Variants in GABRB1 observed in about 807,000 individuals in gnomAD.
GABRB1 encodes the protein gamma-aminobutyric acid type A receptor subunit beta1.
In GABRB1, 17 loss-of-function variants were observed where a neutral mutation model predicts 51.6. The observed-to-expected ratio is 0.33, with a 90% CI of 0.23 to 0.49. The LOEUF is 0.49. GABRB1 is among the 20% of genes least tolerant of loss of function. The pLI, the probability that GABRB1 is intolerant of heterozygous loss-of-function variation, is 0.99. For missense variants in GABRB1, 410 were observed against 600.6 expected (o/e 0.68, Z 3.32); for synonymous variants, 247 against 218.9 (o/e 1.13, Z -1.14).
chr4:47,036,803 C>T (rs944086338), intron 3 of GABRB1, among the ~76,000 whole-genome samples: 11 of 150,730 alleles, frequency 7.3e-5, no homozygotes, highest in Non-Finnish European at 1.3e-4. Flanking sequence ...CTGGAGGTTG[C>T]GGTGAGCCAA....
In GABRB1 at chr4:47,294,705, A is replaced by G. The variant is rs191264278; in HGVS notation, c.462-25422A>G. 6.4e-3 allele frequency among the ~76,000 whole-genome samples: 981 copies of G among 152,356 alleles called. 5 individuals carry two copies. The highest frequency in any genetic ancestry group is 1.0e-2 in the Non-Finnish European group (679 of 68,028). On this transcript the variant is annotated intron_variant, in intron 4 of 8. Coordinates refer to ENST00000295454, the MANE Select transcript of GABRB1 (RefSeq NM_000812.4). ...AACAGACAAACAAAAAGACAGCAGT[A>G]ACCTCTGCAGACTTAAATGTCCCTG...
At chr4:47,247,177 T>A (rs1410479923) in intron 4 of GABRB1, among the ~76,000 whole-genome samples, 1 of 152,304 alleles carries the variant, frequency 6.6e-6, no homozygotes, top group South Asian at 2.1e-4. Context: ...AAGTCCTTAA[T>A]CCATCTTGAG....
intron 4 of GABRB1, among the ~76,000 whole-genome samples, chr4:47,173,285 G>A (rs571441285): frequency 6.6e-6 from 1 of 152,230 alleles, no homozygotes; most frequent in Non-Finnish European, 1.5e-5. Context: ...TAACTAAGTG[G>A]AATCTGAGGA....
At chr4:47,100,265 TA>T (rs1344865297) in intron 3 of GABRB1, among the ~76,000 whole-genome samples, 1 of 152,004 alleles carries the variant, frequency 6.6e-6, no homozygotes, top group Non-Finnish European at 1.5e-5. Context: ...GTATACTGGT[TA>T]TTTGTAAAAT....
intron 1 of GABRB1, among the ~76,000 whole-genome samples, chr4:47,010,490 A>C (rs562780694): frequency 8.5e-5 from 13 of 152,228 alleles, no homozygotes; most frequent in Non-Finnish European, 1.8e-4. Context: ...GAATGATTGC[A>C]TAACAATGAT....
chr4:47,063,725 T>A (rs1015252446), intron 3 of GABRB1, among the ~76,000 whole-genome samples: 2 of 152,162 alleles, frequency 1.3e-5, no homozygotes, highest in African/African-American at 4.8e-5. Context: ...AGGAACGAGA[T>A]CATGTTCTTT....
chr4:47,422,435 A>G (rs1483361437), intron 8 of GABRB1, among the ~76,000 whole-genome samples: 1 of 151,994 alleles, frequency 6.6e-6, no homozygotes, highest in Non-Finnish European at 1.5e-5. Flanking sequence ...TCAGTCTTTA[A>G]CCCCTTGCAA....
upstream of GABRB1, among the ~76,000 whole-genome samples, chr4:47,028,628 G>T (rs1725174111): frequency 6.6e-6 from 1 of 151,330 alleles, no homozygotes; most frequent in African/African-American, 2.4e-5. Context: ...TCATGTTGTG[G>T]CTAATTGGAA....
At chr4:47,223,835 T>A (rs1720852947) in intron 4 of GABRB1, among the ~76,000 whole-genome samples, 1 of 152,102 alleles carries the variant, frequency 6.6e-6, no homozygotes, top group African/African-American at 2.4e-5. Context: ...AAGAAAAAAT[T>A]GAGAAATCTG....
chr4:47,157,800 T>A lies in GABRB1; in HGVS notation c.241-3449T>A, dbSNP rs186437785. ...TTTTATTAAGGTTATCAATATCATATGTCTGTATTTTTATTTATCATAGAA... is the reference window on the plus strand; with the variant it reads ...TTTTATTAAGGTTATCAATATCATAAGTCTGTATTTTTATTTATCATAGAA... On this transcript the variant is annotated intron_variant, in intron 3 of 8. Transcript: ENST00000295454. Among the ~76,000 whole-genome samples the A allele has an allele frequency of 2.0e-5, 3 of 152,246 alleles. No individual in the cohort carries two copies. The East Asian group carries it at 5.8e-4, about 29-fold the overall frequency.
chr4:47,153,603 C>A (rs998831142), intron 3 of GABRB1, among the ~76,000 whole-genome samples: 1 of 151,994 alleles, frequency 6.6e-6, no homozygotes, highest in African/African-American at 2.4e-5. Flanking sequence ...TCATGCCATG[C>A]GGTTCATTTT....
chr4:47,412,466 T>G (rs1455304482), intron 8 of GABRB1, among the ~76,000 whole-genome samples: 1 of 152,204 alleles, frequency 6.6e-6, no homozygotes, highest in Non-Finnish European at 1.5e-5. Flanking sequence ...GTTCCTATCA[T>G]TTTTATTTTC....
intron 4 of GABRB1, among the ~76,000 whole-genome samples, chr4:47,202,154 G>A (rs1020481514): frequency 6.6e-6 from 1 of 152,068 alleles, no homozygotes; most frequent in Admixed American, 6.6e-5. Flanking sequence ...TGAATCATCG[G>A]GGGCAGTTTC....
intron 4 of GABRB1, among the ~76,000 whole-genome samples, chr4:47,174,387 A>G (rs1421533871): frequency 6.6e-6 from 1 of 152,092 alleles, no homozygotes; most frequent in Non-Finnish European, 1.5e-5. Flanking sequence ...TTTTTAACTC[A>G]ACAATAAATA....
intron 5 of GABRB1, among the ~76,000 whole-genome samples, chr4:47,353,442 C>A (rs1361482804): frequency 6.6e-6 from 1 of 152,136 alleles, no homozygotes; most frequent in African/African-American, 2.4e-5. Flanking sequence ...AATCAAGGAT[C>A]AATCTTTAAT....
intron 3 of GABRB1, among the ~76,000 whole-genome samples, chr4:47,122,831 A>G (rs914471702): frequency 2.0e-5 from 3 of 152,168 alleles, no homozygotes; most frequent in Admixed American, 6.5e-5. Flanking sequence ...AGGAGCAAGT[A>G]CTTTCTTCTT....
chr4:47,184,711 G>A (rs375134268), intron 4 of GABRB1, among the ~76,000 whole-genome samples: 1 of 151,892 alleles, frequency 6.6e-6, no homozygotes, highest in Non-Finnish European at 1.5e-5. Context: ...CATTACCTTA[G>A]CTTTGCTTCT....
chr4:47,020,670 A>G (rs1369060925), intron 1 of GABRB1, among the ~76,000 whole-genome samples: 4 of 152,172 alleles, frequency 2.6e-5, no homozygotes, highest in African/African-American at 9.7e-5. Flanking sequence ...TATATCTGCA[A>G]TATGACCACT....
At chr4:47,128,578 A>G (rs1240126411) in intron 3 of GABRB1, among the ~76,000 whole-genome samples, 1 of 152,016 alleles carries the variant, frequency 6.6e-6, no homozygotes, top group Non-Finnish European at 1.5e-5. Context: ...ATGAGACTCA[A>G]GAAAAGGCAA....
Sources: allele counts gnomAD v4.1 joint callset (sites outside exome capture counted in the v4.1 genomes callset), GRCh38; gene constraint gnomAD v4.1.1; transcripts MANE v1.5; gene names NCBI Gene and HGNC (gene_info 2026-07-23, HGNC 2026-07-21).